Variants in STRN3 observed in about 807,000 individuals in gnomAD.
The protein encoded by STRN3 is striatin 3, also known as striatin-3.
In STRN3, 29 loss-of-function variants were observed where a neutral mutation model predicts 95.6. That is an observed-to-expected ratio of 0.30 (90% CI 0.23 to 0.41). The LOEUF (loss-of-function observed/expected upper bound fraction) is 0.41. Among genes scored for constraint, STRN3 ranks in the 10% least tolerant of loss-of-function variants. STRN3 has a pLI of 1.00. For synonymous variants in STRN3, 331 were observed against 357.6 expected (o/e 0.93, Z 0.84); for missense variants, 890 against 972.1 (o/e 0.92, Z 1.12).
Position 30,922,192 on chromosome 14 carries a change from T to C in STRN3, c.1100-3086A>G, listed in dbSNP as rs181038078. Among the ~76,000 whole-genome samples the C allele has an allele frequency of 1.4e-4, 22 of 152,180 alleles. No individual in the cohort carries two copies. In the East Asian group the frequency reaches 3.1e-3, roughly 21 times the overall value. On this transcript the variant is annotated intron_variant, in intron 8 of 17. Transcript: ENST00000357479. ...GCATGCACTACCACACTCAGCTAATTTTTGTATTTTTTATTTTTGTAGAGA... is the reference window on the plus strand; with the variant it reads ...GCATGCACTACCACACTCAGCTAATCTTTGTATTTTTTATTTTTGTAGAGA...
At chr14:30,946,823 C>CA (rs919009235) in intron 5 of STRN3, among the ~76,000 whole-genome samples, 35 of 151,648 alleles carry the variant, frequency 2.3e-4, no homozygotes, top group Admixed American at 2.0e-4. Flanking sequence ...ACTAAAAATA[C>CA]AAAAAATTAG....
intron 1 of STRN3, among the ~76,000 whole-genome samples, chr14:30,997,586 C>T (rs1301594888): frequency 6.6e-6 from 1 of 152,186 alleles, no homozygotes; most frequent in Non-Finnish European, 1.5e-5. Context: ...AGCCTCCTGA[C>T]CACCCTGGAG....
intron 13 of STRN3, among the ~76,000 whole-genome samples, chr14:30,909,322 T>C (rs1438700296): frequency 6.6e-6 from 1 of 152,076 alleles, no homozygotes. Flanking sequence ...CCGGGCAACA[T>C]GGCCACCATT....
chr14:31,025,781 A>T, intron 1 of STRN3, 123 bp downstream of exon 1: 1 of 1,330,380 alleles, frequency 7.5e-7, no homozygotes, highest in Non-Finnish European at 1.0e-6. Flanking sequence ...CAACCTGAGC[A>T]GCACAGGTAG....
rs151180586 is a variant in STRN3, at chr14:30,956,291, T to C, written c.283-49A>G. ...ATTTACATTTTCCCTTAACCATACA[T>C]AGGAAACTGAAAAATGGAAAACGAT... On this transcript the variant is annotated intron_variant, in intron 1 of 17. Transcript: ENST00000357479. The C allele has an allele frequency of 1.7e-3, 2,598 of 1,535,356 alleles. 42 individuals are homozygous for C. The African/African-American group carries it at 0.03, about 18-fold the overall frequency.
rs1222079432 is a variant in STRN3, at chr14:30,955,702, T to G, written c.387-9A>C. 1 of 1,576,174 alleles carries G rather than the reference T, an allele frequency of 6.3e-7. No homozygotes were observed. Among genetic ancestry groups the G allele is most frequent in the Non-Finnish European group, 8.6e-7 (1 of 1,168,816 alleles). On this transcript the variant is annotated splice_polypyrimidine_tract_variant and intron_variant, in intron 2 of 17. Transcript: ENST00000357479. The stretch of plus-strand genomic sequence containing the variant: ...ATTTGTGATATTTTGCCCTGAAAAT[T>G]TAATCACAAATTAGTAAAATCACAA...
intron 4 of STRN3, among the ~76,000 whole-genome samples, chr14:30,949,009 A>G (rs1317809449): frequency 6.6e-6 from 1 of 152,242 alleles, no homozygotes; most frequent in Non-Finnish European, 1.5e-5. Flanking sequence ...ACACTTACAG[A>G]GTGTTCTCTG....
At chr14:30,898,088 C>CA (rs1221173515) in intron 16 of STRN3, among the ~76,000 whole-genome samples, 1 of 152,124 alleles carries the variant, frequency 6.6e-6, no homozygotes, top group Non-Finnish European at 1.5e-5. Flanking sequence ...TTCCTGGGCT[C>CA]AAGCAACCCT....
chr14:30,999,394 A>G (rs1202566730), intron 1 of STRN3, among the ~76,000 whole-genome samples: 2 of 152,228 alleles, frequency 1.3e-5, no homozygotes, highest in African/African-American at 4.8e-5. Flanking sequence ...TGAAAGAACT[A>G]AAGAAAATAA....
At chr14:30,906,572 G>A (rs758417119) in intron 14 of STRN3, among the ~76,000 whole-genome samples, 2 of 152,186 alleles carry the variant, frequency 1.3e-5, no homozygotes, top group East Asian at 3.9e-4. Flanking sequence ...TGGGGTAGTC[G>A]TCTGGAACAG....
intron 1 of STRN3, among the ~76,000 whole-genome samples, chr14:30,961,959 A>G (rs1216422300): frequency 7.3e-6 from 1 of 136,668 alleles, no homozygotes; most frequent in Non-Finnish European, 1.6e-5. Flanking sequence ...GTTAACTGCA[A>G]AAGTGCCTCA....
At chr14:30,911,931 G>T (rs981536690) in intron 11 of STRN3, 76 bp downstream of exon 11, 3 of 1,563,420 alleles carry the variant, frequency 1.9e-6, no homozygotes, top group Admixed American at 1.9e-5. Flanking sequence ...TTAAAGACAT[G>T]CAACAATAAT....
intron 1 of STRN3, among the ~76,000 whole-genome samples, chr14:30,967,550 C>A (rs755525899): frequency 6.6e-6 from 1 of 152,202 alleles, no homozygotes; most frequent in Non-Finnish European, 1.5e-5. Flanking sequence ...CACTGACAAC[C>A]CGTAGCCTTC....
chr14:30,970,722 G>C (rs1158004403), intron 1 of STRN3, among the ~76,000 whole-genome samples: 1 of 152,226 alleles, frequency 6.6e-6, no homozygotes, highest in Non-Finnish European at 1.5e-5. Flanking sequence ...GGCCAAGATA[G>C]CGATGGTAAA....
intron 1 of STRN3, among the ~76,000 whole-genome samples, chr14:31,002,461 ACT>A (rs1299092683): frequency 1.5e-4 from 16 of 107,760 alleles, no homozygotes; most frequent in Admixed American, 1.3e-3. Context: ...ACAGAGGAAG[ACT>A]CTGTCTCAAA....
chr14:31,014,097 G>GT (rs1346038619), intron 1 of STRN3, among the ~76,000 whole-genome samples: 3 of 151,826 alleles, frequency 2.0e-5, no homozygotes, highest in African/African-American at 7.3e-5. Context: ...TAGAGACAGG[G>GT]TATCACTTTG....
At chr14:30,964,268 A>T (rs1299903248) in intron 1 of STRN3, 1 of 152,300 alleles carries the variant, frequency 6.6e-6, no homozygotes, top group Admixed American at 6.5e-5. Context: ...AAGAGAAGAT[A>T]GGGCATGGGA....
intron 1 of STRN3, among the ~76,000 whole-genome samples, chr14:31,015,142 TTTA>T (rs377504411): frequency 1.1e-4 from 16 of 152,138 alleles, no homozygotes; most frequent in African/African-American, 3.6e-4. Context: ...CACACCCACT[TTTA>T]TTTATTTACT....
chr14:31,005,491 T>C (rs550969296), intron 1 of STRN3, among the ~76,000 whole-genome samples: 1 of 152,376 alleles, frequency 6.6e-6, no homozygotes, highest in East Asian at 1.9e-4. Flanking sequence ...GCTATCTACT[T>C]ATAAACAAAA....
Sources: allele counts gnomAD v4.1 joint callset (sites outside exome capture counted in the v4.1 genomes callset), GRCh38; gene constraint gnomAD v4.1.1; transcripts MANE v1.5; gene names NCBI Gene and HGNC (gene_info 2026-07-23, HGNC 2026-07-21).